TRDN: variants seen among roughly 807,000 people sequenced by gnomAD.
TRDN encodes the protein triadin.
Under a neutral mutation model 149.7 loss-of-function variants are expected in TRDN, and 161 were observed. The observed-to-expected ratio is 1.08, with a 90% CI of 0.95 to 1.23. The LOEUF is 1.23. TRDN is among the 50% of genes most tolerant of loss of function. TRDN has a pLI of 0.00. For synonymous variants in TRDN, 294 were observed against 250.5 expected (o/e 1.17, Z -1.64); for missense variants, 896 against 823.5 (o/e 1.09, Z -1.08).
intron 13 of TRDN, among the ~76,000 whole-genome samples, chr6:123,391,514 A>T (rs1772467149): frequency 6.6e-6 from 1 of 151,932 alleles, no homozygotes; most frequent in Non-Finnish European, 1.5e-5. Flanking sequence ...GCCATTCCTT[A>T]TATCTACCTA....
At chr6:123,345,429 T>G (rs11970151) in intron 21 of TRDN, among the ~76,000 whole-genome samples, 76,986 of 151,732 alleles carry the variant, frequency 0.51, 20,581 homozygotes, top group Non-Finnish European at 0.61. Flanking sequence ...TGTCTATTCT[T>G]TCACTAATAT....
intron 36 of TRDN, among the ~76,000 whole-genome samples, chr6:123,255,360 T>A (rs897031343): frequency 6.6e-6 from 1 of 152,110 alleles, no homozygotes; most frequent in Non-Finnish European, 1.5e-5. Context: ...CTAGAATGTA[T>A]GAAAAATGGG....
chr6:123,398,124 C>T lies in TRDN; in HGVS notation c.1052-4447G>A, dbSNP rs1270129658. On this transcript the variant is annotated intron_variant, in intron 12 of 40. Coordinates refer to ENST00000334268, the MANE Select transcript of TRDN (RefSeq NM_006073.4). ...AGTTCAGGCAATTCTCCTGCCTCAG[C>T]CTCCTGAGTAGCCGGGATTACAGGC... 2.6e-5 allele frequency among the ~76,000 whole-genome samples: 4 copies of T among 152,338 alleles called. No homozygotes were observed. The East Asian group carries it at 7.7e-4, about 29-fold the overall frequency.
chr6:123,576,422 TAGTC>T (rs1464843224), intron 1 of TRDN, among the ~76,000 whole-genome samples: 1 of 152,060 alleles, frequency 6.6e-6, no homozygotes, highest in Non-Finnish European at 1.5e-5. Flanking sequence ...TTTTGCCACT[TAGTC>T]TGTCTGCTGA....
At position 123,490,232 on chromosome 6, in the gene TRDN, A is replaced by T. The variant is rs111564183; in HGVS notation, c.853+6961T>A. On this transcript the variant is annotated intron_variant, in intron 9 of 40. Transcript: ENST00000334268. ...GTTCCCTCTTATCCATAAAAAATGT[A>T]TTCCAAGATATCCAGTAGATACCTG... 9.5e-3 allele frequency among the ~76,000 whole-genome samples: 1,450 copies of T among 152,356 alleles called. 22 individuals are homozygous for T. The highest frequency in any genetic ancestry group is 0.034 in the African/African-American group (1,395 of 41,582).
chr6:123,311,848 TGTA>T (rs1438280307), intron 24 of TRDN, among the ~76,000 whole-genome samples: 11 of 151,954 alleles, frequency 7.2e-5, no homozygotes, highest in Non-Finnish European at 1.3e-4. Flanking sequence ...CTTCACAGGA[TGTA>T]TGACAGCGTC....
intron 24 of TRDN, 125 bp from the exon 25 acceptor site, chr6:123,279,207 T>C (rs1285132174): frequency 5.4e-6 from 4 of 741,592 alleles, no homozygotes; most frequent in Non-Finnish European, 8.0e-6. Flanking sequence ...CCTATCCTTT[T>C]TTGTTGAAAT....
chr6:123,599,938 C>G (rs187553835), intron 1 of TRDN, among the ~76,000 whole-genome samples: 88 of 151,580 alleles, frequency 5.8e-4, no homozygotes, highest in Non-Finnish European at 1.0e-4. Flanking sequence ...TCCAGAATAC[C>G]CTTTTTGCAC....
intron 5 of TRDN, 125 bp from the exon 6 acceptor site, chr6:123,516,331 A>G: frequency 8.6e-7 from 1 of 1,160,264 alleles, no homozygotes; most frequent in Non-Finnish European, 1.1e-6. Flanking sequence ...AACTGGATTC[A>G]GATTTTATGT....
At chr6:123,532,996 C>T (rs896422269) in intron 4 of TRDN, among the ~76,000 whole-genome samples, 3 of 151,934 alleles carry the variant, frequency 2.0e-5, no homozygotes, top group African/African-American at 7.2e-5. Flanking sequence ...TCCAAGCCAA[C>T]AGATGCTGTG....
At chr6:123,467,143 A>G (rs1248217153) in intron 9 of TRDN, among the ~76,000 whole-genome samples, 1 of 152,068 alleles carries the variant, frequency 6.6e-6, no homozygotes, top group East Asian at 1.9e-4. Flanking sequence ...ACTGGCTGAA[A>G]CAGACCTCTA....
At chr6:123,262,735 A>G (rs761225132) in intron 33 of TRDN, among the ~76,000 whole-genome samples, 3 of 152,056 alleles carry the variant, frequency 2.0e-5, no homozygotes, top group Non-Finnish European at 4.4e-5. Context: ...GATTCTCACA[A>G]TATTTCAAAT....
At chr6:123,512,865 G>T (rs1175302927) in intron 6 of TRDN, among the ~76,000 whole-genome samples, 1 of 152,044 alleles carries the variant, frequency 6.6e-6, no homozygotes, top group Non-Finnish European at 1.5e-5. Context: ...CAAAGTGTAT[G>T]CACTGATTTG....
rs1034289622 is a variant in TRDN at position 123,492,782 on chromosome 6, G to T, written c.853+4411C>A. On this transcript the variant is annotated intron_variant, in intron 9 of 40. Transcript: ENST00000334268. ...AAAAACCCATAAATTGTGTTTTGAT[G>T]TTGCAAATAATGTCTGTCTTGACCA... 2.2e-4 allele frequency among the ~76,000 whole-genome samples: 33 copies of T among 152,104 alleles called. 1 individual carries two copies. Among genetic ancestry groups the T allele is most frequent in the Non-Finnish European group, 5.9e-5 (4 of 68,006 alleles).
chr6:123,447,758 G>T (rs1277156235), intron 10 of TRDN, among the ~76,000 whole-genome samples: 1 of 150,538 alleles, frequency 6.6e-6, no homozygotes, highest in Non-Finnish European at 1.5e-5. Context: ...GGGCCACAGA[G>T]TGAGATCAGT....
At chr6:123,547,000 C>A (rs559754958) in intron 4 of TRDN, among the ~76,000 whole-genome samples, 1 of 152,146 alleles carries the variant, frequency 6.6e-6, no homozygotes, top group East Asian at 1.9e-4. Flanking sequence ...ATCAATAAAT[C>A]TGACCATGGT....
intron 9 of TRDN, among the ~76,000 whole-genome samples, chr6:123,467,459 A>ATTTTTT (rs1318023573): frequency 2.6e-5 from 4 of 152,100 alleles, no homozygotes; most frequent in African/African-American, 9.7e-5. Flanking sequence ...TCTGCTCTCT[A>ATTTTTT]ACATGGCTGA....
At chr6:123,228,709 G>T (rs1775480554) in intron 38 of TRDN, among the ~76,000 whole-genome samples, 1 of 151,858 alleles carries the variant, frequency 6.6e-6, no homozygotes, top group South Asian at 2.1e-4. Flanking sequence ...TGCCTCTGGA[G>T]GATGAACTTC....
intron 1 of TRDN, among the ~76,000 whole-genome samples, chr6:123,588,184 C>T (rs928361167): frequency 9.2e-5 from 14 of 152,094 alleles, no homozygotes; most frequent in Admixed American, 1.3e-4. Flanking sequence ...GTAGATTTTC[C>T]GCAAGAGACA....
Sources: gnomAD v4.1 joint callset for allele counts (sites outside exome capture counted in the v4.1 genomes callset) on GRCh38, gnomAD v4.1.1 for gene constraint, MANE v1.5 for transcripts, NCBI Gene and HGNC (gene_info 2026-07-23, HGNC 2026-07-21) for gene names.